The following SNX9 variants were observed in gnomAD, a reference collection of about 807,000 sequenced individuals.
SNX9 encodes sorting nexin-9.
Under a neutral mutation model 89.4 loss-of-function variants are expected in SNX9, and 44 were observed. The observed-to-expected ratio is 0.49, with a 90% CI of 0.39 to 0.63. The LOEUF is 0.63. Ranked by LOEUF, SNX9 falls within the 30% of genes least tolerant of loss-of-function variation. The pLI, the probability that SNX9 is intolerant of heterozygous loss-of-function variation, is 0.00. For missense variants in SNX9, 578 were observed against 736.1 expected (o/e 0.79, Z 2.49); for synonymous variants, 236 against 247.8 (o/e 0.95, Z 0.45).
At chr6:157,912,437 G>A (rs945112907) in intron 9 of SNX9, among the ~76,000 whole-genome samples, 1 of 152,032 alleles carries the variant, frequency 6.6e-6, no homozygotes. Context: ...AAATAAGTTC[G>A]GCATGCAGCC....
intron 1 of SNX9, among the ~76,000 whole-genome samples, chr6:157,836,707 C>T (rs926151219): frequency 5.9e-5 from 9 of 152,244 alleles, no homozygotes; most frequent in Admixed American, 2.0e-4. Context: ...TTTCCTGCCT[C>T]AGCCTCCCAA....
chr6:157,925,905 C>T (rs1255199876), intron 10 of SNX9, among the ~76,000 whole-genome samples: 1 of 150,832 alleles, frequency 6.6e-6, no homozygotes, highest in Non-Finnish European at 1.5e-5. Flanking sequence ...ATCAAGGCAC[C>T]AGCATTTGCT....
At chr6:157,852,480 G>A (rs746432050) in intron 1 of SNX9, among the ~76,000 whole-genome samples, 4 of 152,048 alleles carry the variant, frequency 2.6e-5, no homozygotes, top group African/African-American at 4.8e-5. Flanking sequence ...ATAAGCACGT[G>A]TATCTTAGGG....
intron 1 of SNX9, among the ~76,000 whole-genome samples, chr6:157,855,632 A>T (rs1447765783): frequency 6.6e-6 from 1 of 152,194 alleles, no homozygotes; most frequent in Non-Finnish European, 1.5e-5. Flanking sequence ...TTTAAAAACC[A>T]TTCTTTTCTT....
In SNX9 at chr6:157,902,847, T is replaced by C. The variant is rs377724088; in HGVS notation, c.620+802T>C. ...CGCGCCCAGCTAATTTTTGTATTTT[T>C]AGTAGAGACGAGGTTTTACCACGTT... On this transcript the variant is annotated intron_variant, in intron 6 of 17. Coordinates refer to ENST00000392185, the MANE Select transcript of SNX9 (RefSeq NM_016224.5). Among the ~76,000 whole-genome samples the C allele has an allele frequency of 2.6e-5, 4 of 152,092 alleles. No individual in the cohort carries two copies. The East Asian group carries it at 7.7e-4, about 29-fold the overall frequency.
intron 9 of SNX9, among the ~76,000 whole-genome samples, chr6:157,910,375 C>T (rs1187387383): frequency 6.6e-6 from 1 of 152,020 alleles, no homozygotes; most frequent in East Asian, 1.9e-4. Flanking sequence ...ATTCAAATAG[C>T]CTAAAATGGA....
At chr6:157,865,363 C>T (rs570419594) in intron 1 of SNX9, among the ~76,000 whole-genome samples, 10 of 151,274 alleles carry the variant, frequency 6.6e-5, no homozygotes, top group Non-Finnish European at 1.2e-4. Flanking sequence ...AAAAAAACAC[C>T]ACATAACATG....
chr6:157,913,120 A>T (rs1783384283), intron 9 of SNX9, among the ~76,000 whole-genome samples: 1 of 152,190 alleles, frequency 6.6e-6, no homozygotes, highest in Non-Finnish European at 1.5e-5. Context: ...TCCGGCCAGG[A>T]GGTGAATTGT....
In SNX9 at chr6:157,823,345, C is replaced by A; in HGVS notation, c.-90C>A. On this transcript the variant is annotated 5_prime_UTR_variant, in exon 1 of 18. Coordinates refer to ENST00000392185, the MANE Select transcript of SNX9 (RefSeq NM_016224.5). The surrounding 1 kb of genome is among the most constrained non-coding windows in gnomAD (Gnocchi z 4.6). Reference sequence around the variant, plus strand: ...CCGGGGCCCAGCCGGAGCCGCCGCCCTCGCCCTTGCCTTTGCCTGCGCGGC... The same window carrying A: ...CCGGGGCCCAGCCGGAGCCGCCGCCATCGCCCTTGCCTTTGCCTGCGCGGC... 8.5e-7 allele frequency: 1 copy of A among 1,173,272 alleles called. No individual in the cohort carries two copies. The highest frequency in any genetic ancestry group is 1.1e-6 in the Non-Finnish European group (1 of 935,284). 72.7% of individuals were successfully genotyped at this position (1,173,272 alleles called of 1,614,324 possible).
At chr6:157,871,497 G>A (rs1338034281) in intron 2 of SNX9, among the ~76,000 whole-genome samples, 1 of 152,118 alleles carries the variant, frequency 6.6e-6, no homozygotes, top group Non-Finnish European at 1.5e-5. Context: ...TTGGACACAG[G>A]GCGGGGAACG....
At chr6:157,937,948 A>G (rs1783959620) in intron 15 of SNX9, among the ~76,000 whole-genome samples, 1 of 152,266 alleles carries the variant, frequency 6.6e-6, no homozygotes, top group Non-Finnish European at 1.5e-5. Flanking sequence ...ACAACTTCAG[A>G]TAACTTAATA....
intron 15 of SNX9, 43 bp from the exon 16 acceptor site, chr6:157,938,590 T>C (rs1019969485): frequency 7.7e-7 from 1 of 1,300,394 alleles, no homozygotes; most frequent in Non-Finnish European, 1.1e-6. Context: ...TAATGACTAA[T>C]CATTTCAGCT....
rs375451764 is a variant in SNX9 at position 157,920,265 on chromosome 6, A to G, written c.950-1266A>G. On this transcript the variant is annotated intron_variant, in intron 9 of 17. Transcript: ENST00000392185. ...TGGCTTGGACCCTCTCTGGTCTCCA[A>G]TGTGTATGCATACAGCCTCAGCCTG... Among the ~76,000 whole-genome samples the G allele has an allele frequency of 5.3e-5, 8 of 152,254 alleles. No homozygotes were observed. In the South Asian group the frequency reaches 1.7e-3, roughly 32 times the overall value.
At chr6:157,857,938 C>G (rs903026160) in intron 1 of SNX9, among the ~76,000 whole-genome samples, 1 of 152,138 alleles carries the variant, frequency 6.6e-6, no homozygotes, top group Non-Finnish European at 1.5e-5. Flanking sequence ...TGTGGACTGA[C>G]AATGCGTGGT....
At chr6:157,881,309 T>A (rs1164804663) in intron 4 of SNX9, among the ~76,000 whole-genome samples, 2 of 152,192 alleles carry the variant, frequency 1.3e-5, no homozygotes, top group East Asian at 3.8e-4. Context: ...TTAATTGACA[T>A]GTTTTATGTG....
chr6:157,830,367 C>T (rs1176124943), intron 1 of SNX9: 1 of 152,176 alleles, frequency 6.6e-6, no homozygotes, highest in African/African-American at 2.4e-5. Context: ...AGGTATTCTT[C>T]CTTTGTTTTC....
At chr6:157,896,229 A>G (rs190405499) in intron 4 of SNX9, among the ~76,000 whole-genome samples, 20 of 152,354 alleles carry the variant, frequency 1.3e-4, no homozygotes, top group African/African-American at 4.1e-4. Flanking sequence ...TCAGGATGTT[A>G]GGCGTATTTC....
At chr6:157,887,669 C>T (rs1782763858) in intron 4 of SNX9, among the ~76,000 whole-genome samples, 1 of 152,172 alleles carries the variant, frequency 6.6e-6, no homozygotes, top group African/African-American at 2.4e-5. Flanking sequence ...TCCTATATTT[C>T]ATCATATTTT....
At chr6:157,825,806 C>T (rs1781332464) in intron 1 of SNX9, among the ~76,000 whole-genome samples, 1 of 152,074 alleles carries the variant, frequency 6.6e-6, no homozygotes, top group Non-Finnish European at 1.5e-5. Flanking sequence ...TTGGTGCTTT[C>T]CTCCCTTCCC....
Sources: allele counts gnomAD v4.1 joint callset (sites outside exome capture counted in the v4.1 genomes callset), GRCh38; gene constraint gnomAD v4.1.1; non-coding constraint Gnocchi (gnomAD v3.1); transcripts MANE v1.5; gene names NCBI Gene and HGNC (gene_info 2026-07-23, HGNC 2026-07-21).